SIDT1: variants seen among roughly 807,000 people sequenced by gnomAD.
The protein encoded by SIDT1 is SID1 transmembrane family, member 1.
In SIDT1, 101 loss-of-function variants were observed where a neutral mutation model predicts 107.5. The observed-to-expected ratio is 0.94, with a 90% CI of 0.80 to 1.11. The LOEUF is 1.11. SIDT1 is among the 50% of genes least tolerant of loss of function. SIDT1 has a pLI of 0.00. For synonymous variants in SIDT1, 395 were observed against 398.2 expected (o/e 0.99, Z 0.10); for missense variants, 1,076 against 1,058.2 (o/e 1.02, Z -0.23).
rs1292745181 is a variant in SIDT1 at position 113,593,057 on chromosome 3, A to G, written c.1045+9A>G. The G allele has an allele frequency of 1.7e-5, 28 of 1,610,964 alleles. No individual in the cohort carries two copies. The highest frequency in any genetic ancestry group is 2.2e-5 in the Non-Finnish European group (26 of 1,177,204). On this transcript the variant is annotated intron_variant, in intron 10 of 24. Transcript: ENST00000264852. ...CTTTGGGTCCAATGATGGTAAGAGC[A>G]ATGCTTGGTTTCAATTCAAAATGGT...
In SIDT1 at chr3:113,616,693, AT is replaced by A. The variant is rs33991386; in HGVS notation, c.2043+531del. ...ATTTGGAAATAAAAAATAATAAAGA[AT>A]TTTTTTTTTTTTTGAGACGGAGTTT... On this transcript the variant is annotated intron_variant, in intron 20 of 24. Coordinates refer to ENST00000264852, the MANE Select transcript of SIDT1 (RefSeq NM_017699.3). 1.9e-3 allele frequency among the ~76,000 whole-genome samples: 285 copies of A among 146,632 alleles called. 1 individual carries two copies. The highest frequency in any genetic ancestry group is 3.7e-3 in the African/African-American group (149 of 40,038).
chr3:113,626,996 T>G (rs1481076560), intron 24 of SIDT1, among the ~76,000 whole-genome samples: 1 of 152,152 alleles, frequency 6.6e-6, no homozygotes, highest in African/African-American at 2.4e-5. Flanking sequence ...GGCCAATCTG[T>G]ATAAACAGTC....
At chr3:113,571,912 G>C (rs1490161025) in intron 3 of SIDT1, among the ~76,000 whole-genome samples, 1 of 151,950 alleles carries the variant, frequency 6.6e-6, no homozygotes, top group Non-Finnish European at 1.5e-5. Flanking sequence ...TCCAGCCTGG[G>C]CCATAGAGCA....
intron 10 of SIDT1, among the ~76,000 whole-genome samples, chr3:113,594,202 T>A (rs1944381828): frequency 6.6e-6 from 1 of 152,186 alleles, no homozygotes; most frequent in Admixed American, 6.5e-5. Flanking sequence ...CTTTTTAATG[T>A]TTGTCTTCCT....
Position 113,546,380 on chromosome 3 carries a change from T to C in SIDT1, c.222+13137T>C, listed in dbSNP as rs190114884. ...TGTTGCTTTAAAACTACTTTTTTTT[T>C]CTTCCTTTTTAGAAGATTCCCATAG... On this transcript the variant is annotated intron_variant, in intron 1 of 24. Coordinates refer to ENST00000264852, the MANE Select transcript of SIDT1 (RefSeq NM_017699.3). 7.0e-3 allele frequency among the ~76,000 whole-genome samples: 1,069 copies of C among 152,314 alleles called. 6 individuals carry two copies. The highest frequency in any genetic ancestry group is 0.012 in the Non-Finnish European group (795 of 68,024).
intron 10 of SIDT1, among the ~76,000 whole-genome samples, chr3:113,600,764 G>C (rs1433994563): frequency 1.3e-5 from 2 of 152,172 alleles, no homozygotes; most frequent in South Asian, 2.1e-4. Flanking sequence ...TCTTTGATTT[G>C]AAGTTGGTTG....
At chr3:113,556,361 GATGAAACGCTCCATATA>G (rs1472550387) in intron 1 of SIDT1, among the ~76,000 whole-genome samples, 14 of 152,162 alleles carry the variant, frequency 9.2e-5, no homozygotes, top group Admixed American at 6.5e-4. Context: ...AAAAGCTTGG[GATGAAACGCTCCATATA>G]ATGAGAATTA....
chr3:113,593,247 G>A lies in SIDT1; in HGVS notation c.1045+199G>A, dbSNP rs1039157804. ...ATAGTTCAAGAGGTCCCAAGCCCTAGGCCGTGGACTGGTACTGATCCGTGG... is the reference window on the plus strand; with the variant it reads ...ATAGTTCAAGAGGTCCCAAGCCCTAAGCCGTGGACTGGTACTGATCCGTGG... On this transcript the variant is annotated intron_variant, in intron 10 of 24. Coordinates refer to ENST00000264852, the MANE Select transcript of SIDT1 (RefSeq NM_017699.3). Among the ~76,000 whole-genome samples the A allele has an allele frequency of 2.6e-5, 4 of 152,308 alleles. No individual in the cohort carries two copies. The South Asian group carries it at 6.2e-4, about 24-fold the overall frequency.
chr3:113,538,715 A>C (rs1354423911), intron 1 of SIDT1, among the ~76,000 whole-genome samples: 1 of 152,234 alleles, frequency 6.6e-6, no homozygotes, highest in Non-Finnish European at 1.5e-5. Context: ...GTAAGATTTA[A>C]GAGAGAACAT....
rs1410300608 is a variant in SIDT1, at chr3:113,604,978, T to G, written c.1404+2T>G. The G allele has an allele frequency of 2.5e-6, 4 of 1,613,900 alleles. No individual in the cohort carries two copies. The highest frequency in any genetic ancestry group is 3.4e-6 in the Non-Finnish European group (4 of 1,180,026). ...CAGCTGGTCATTACCTATCAGACAGTAAGTGCTGCCCCAGCCCCAGCCCCA... is the reference window on the plus strand; with the variant it reads ...CAGCTGGTCATTACCTATCAGACAGGAAGTGCTGCCCCAGCCCCAGCCCCA... On this transcript the variant is annotated splice_donor_variant, in intron 14 of 24. Transcript: ENST00000264852. LOFTEE classifies it high-confidence loss of function.
chr3:113,550,029 G>A (rs1358510353), intron 1 of SIDT1, among the ~76,000 whole-genome samples: 1 of 152,128 alleles, frequency 6.6e-6, no homozygotes, highest in African/African-American at 2.4e-5. Flanking sequence ...ACACTATTGT[G>A]TACATGTTCA....
In SIDT1 at chr3:113,611,034, G is replaced by A; in HGVS notation, c.1747G>A (p.Gly583Ser). The change falls in exon 18 of 25, where the codon GGC becomes AGC. Residue 583 changes from glycine (G) to serine (S), a missense_variant. By Grantham distance (56) the Gly-to-Ser change is moderately conservative. Transcript: ENST00000264852. ...FDTSFMYMIAGLCMLKLYQTR... is the reference protein window; with the variant it reads ...FDTSFMYMIASLCMLKLYQTR... ...CACCTCCTTCATGTACATGATCGCT[G>A]GCCTGTGCATGCTGAAGCTCTATCA... The A allele has an allele frequency of 6.2e-7, 1 of 1,613,930 alleles. No individual in the cohort carries two copies. The highest frequency in any genetic ancestry group is 1.1e-5 in the South Asian group (1 of 91,060).
At chr3:113,537,174 T>G (rs1938270899) in intron 1 of SIDT1, among the ~76,000 whole-genome samples, 1 of 152,228 alleles carries the variant, frequency 6.6e-6, no homozygotes, top group East Asian at 1.9e-4. Context: ...TGCCATAGAT[T>G]TTTTAATTTG....
At position 113,626,186 on chromosome 3, in the gene SIDT1, T is replaced by C. The variant is rs567623390; in HGVS notation, c.2392T>C (p.Ser798Pro). 1 of 1,613,738 alleles carries C rather than the reference T, an allele frequency of 6.2e-7. No homozygotes were observed. The highest frequency in any genetic ancestry group is 8.5e-7 in the Non-Finnish European group (1 of 1,179,588). ...FDDHDIWHFL[S>P]ATALFFSFLV... Reference sequence around the variant, plus strand: ...TGACCATGACATCTGGCACTTCCTCTCTGCTACTGCTCTGTTTTTCTCATT... The same window carrying C: ...TGACCATGACATCTGGCACTTCCTCCCTGCTACTGCTCTGTTTTTCTCATT... Residue 798 changes from serine (S) to proline (P), a missense_variant, in exon 24 of 25, where the codon TCT becomes CCT. Ser to Pro is a moderately conservative substitution (Grantham distance 74). Coordinates refer to ENST00000264852, the MANE Select transcript of SIDT1 (RefSeq NM_017699.3).
At chr3:113,624,770 ATGAG>A (rs1257846729) in intron 23 of SIDT1, among the ~76,000 whole-genome samples, 1 of 151,836 alleles carries the variant, frequency 6.6e-6, no homozygotes, top group Non-Finnish European at 1.5e-5. Context: ...GCTGCCTCAT[ATGAG>A]TGAGAACATG....
Position 113,546,104 on chromosome 3 carries a change from G to A in SIDT1, c.222+12861G>A, listed in dbSNP as rs992529979. On this transcript the variant is annotated intron_variant, in intron 1 of 24. Transcript: ENST00000264852. ...CATGGGGTGGAGTACCAGGAGACAC[G>A]TGTTTTTATCCCTTTACCTGAGGAC... is the stretch of plus-strand genomic sequence containing the variant. 3.9e-5 allele frequency among the ~76,000 whole-genome samples: 6 copies of A among 152,284 alleles called. No individual in the cohort carries two copies. In the South Asian group the frequency reaches 1.0e-3, roughly 26 times the overall value.
chr3:113,618,256 T>A (rs1475416218), intron 20 of SIDT1, among the ~76,000 whole-genome samples: 1 of 152,232 alleles, frequency 6.6e-6, no homozygotes, highest in African/African-American at 2.4e-5. Flanking sequence ...GCTTGATAGC[T>A]CATTTGTATT....
intron 1 of SIDT1, among the ~76,000 whole-genome samples, chr3:113,563,577 C>T (rs998454210): frequency 4.6e-5 from 7 of 152,142 alleles, no homozygotes; most frequent in East Asian, 1.9e-4. Flanking sequence ...CCGTAAAATC[C>T]GGAACGTGGG....
intron 1 of SIDT1, among the ~76,000 whole-genome samples, chr3:113,557,085 G>A (rs894084854): frequency 2.6e-5 from 4 of 152,204 alleles, no homozygotes; most frequent in African/African-American, 9.6e-5. Flanking sequence ...TGGAATTACA[G>A]GCGTGAGCCA....
Sources: gnomAD v4.1 joint callset for allele counts (sites outside exome capture counted in the v4.1 genomes callset) on GRCh38, gnomAD v4.1.1 for gene constraint, MANE v1.5 for transcripts, NCBI Gene and HGNC (gene_info 2026-07-23, HGNC 2026-07-21) for gene names.